The following ZDHHC17 variants were observed in gnomAD, a reference collection of about 807,000 sequenced individuals.
ZDHHC17 encodes zDHHC palmitoyltransferase 17.
A neutral mutation model predicts 90.3 loss-of-function variants in ZDHHC17; 40 were observed. The ratio of observed to expected loss-of-function variants is 0.44; its 90% confidence interval spans 0.34 to 0.58. The LOEUF (loss-of-function observed/expected upper bound fraction) is 0.58. Among genes scored for constraint, ZDHHC17 ranks in the 20% least tolerant of loss-of-function variants. The probability of loss-of-function intolerance (pLI) is 0.01; values close to 1 mark genes in which losing one functional copy is unlikely to be tolerated. For missense variants in ZDHHC17, 614 were observed against 780.8 expected, an observed-to-expected ratio of 0.79 and a Z score of 2.55; for synonymous variants, 235 against 252.4, an observed-to-expected ratio of 0.93 and a Z score of 0.65.
intron 1 of ZDHHC17, among the ~76,000 whole-genome samples, chr12:76,771,258 T>G (rs1350669974): frequency 6.6e-6 from 1 of 152,230 alleles, no homozygotes; most frequent in African/African-American, 2.4e-5. Flanking sequence ...GGCAGCTAAT[T>G]TGAAAGTACA....
rs145831858 is a variant in ZDHHC17, at chr12:76,848,793, G to A, written c.1665+403G>A. On this transcript the variant is annotated intron_variant, in intron 15 of 16. Coordinates refer to ENST00000426126, the MANE Select transcript of ZDHHC17 (RefSeq NM_015336.4). ...GGGAGGTTGTCTGTGCAGGAATAGC[G>A]CCTGTCCATGCACAGTGTCAAGTAA... Among the ~76,000 whole-genome samples, 473 of 152,064 alleles carry A rather than the reference G, an allele frequency of 3.1e-3. 4 individuals are homozygous for A. The highest frequency in any genetic ancestry group is 0.011 in the African/African-American group (446 of 41,462).
intron 6 of ZDHHC17, among the ~76,000 whole-genome samples, 171 bp from the exon 7 acceptor site, chr12:76,815,686 A>C (rs1271408026): frequency 6.6e-6 from 1 of 151,944 alleles, no homozygotes; most frequent in African/African-American, 2.4e-5. Context: ...CATACTTAAT[A>C]CTTCATATTA....
chr12:76,829,550 A>G (rs1220977252), intron 10 of ZDHHC17, among the ~76,000 whole-genome samples: 1 of 148,538 alleles, frequency 6.7e-6, no homozygotes, highest in African/African-American at 2.5e-5. Flanking sequence ...AATGAGTCTT[A>G]GTCTCTAATC....
chr12:76,841,282 G>A (rs762791293), intron 10 of ZDHHC17, among the ~76,000 whole-genome samples: 34 of 152,108 alleles, frequency 2.2e-4, no homozygotes, highest in Non-Finnish European at 3.4e-4. Flanking sequence ...ATGTCAAAAA[G>A]TCTTATGAAA....
chr12:76,774,864 G>A (rs759460252), intron 1 of ZDHHC17, among the ~76,000 whole-genome samples: 2 of 152,172 alleles, frequency 1.3e-5, no homozygotes, highest in African/African-American at 2.4e-5. Context: ...TTGCATTAGC[G>A]AAATTGCAAT....
At chr12:76,841,495 C>T (rs998765401) in intron 10 of ZDHHC17, among the ~76,000 whole-genome samples, 2 of 151,990 alleles carry the variant, frequency 1.3e-5, no homozygotes, top group Non-Finnish European at 2.9e-5. Flanking sequence ...AAAATGTGAA[C>T]ATATAAACTA....
At chr12:76,799,859 G>T (rs1160261235) in intron 2 of ZDHHC17, among the ~76,000 whole-genome samples, 2 of 152,064 alleles carry the variant, frequency 1.3e-5, no homozygotes, top group African/African-American at 4.8e-5. Flanking sequence ...TTTGGATTTT[G>T]GATTTTTTTG....
At chr12:76,791,113 C>A (rs1952754596) in intron 1 of ZDHHC17, among the ~76,000 whole-genome samples, 1 of 152,074 alleles carries the variant, frequency 6.6e-6, no homozygotes, top group Non-Finnish European at 1.5e-5. Context: ...AAAATAAAAG[C>A]CGAGAAAACA....
At chr12:76,766,010 G>A (rs767332110) in intron 1 of ZDHHC17, among the ~76,000 whole-genome samples, 4 of 152,050 alleles carry the variant, frequency 2.6e-5, no homozygotes, top group Non-Finnish European at 5.9e-5. Context: ...CCTATCTTAC[G>A]TATTTTAGCA....
intron 13 of ZDHHC17, chr12:76,846,161 T>G (rs1953492866): frequency 8.9e-6 from 2 of 224,404 alleles, no homozygotes; most frequent in Non-Finnish European, 1.7e-5. Flanking sequence ...TGTTCAAGAA[T>G]GGTATAGTCT....
At chr12:76,826,494 G>A (rs1953231567) in intron 8 of ZDHHC17, among the ~76,000 whole-genome samples, 1 of 152,110 alleles carries the variant, frequency 6.6e-6, no homozygotes, top group Non-Finnish European at 1.5e-5. Context: ...CTCCAGGCAA[G>A]CATCTTCAGG....
chr12:76,806,060 CTT>C (rs1213401460), intron 3 of ZDHHC17, among the ~76,000 whole-genome samples: 1 of 152,120 alleles, frequency 6.6e-6, no homozygotes, highest in African/African-American at 2.4e-5. Context: ...GTTTAGTAGT[CTT>C]TTGACACTTT....
intron 14 of ZDHHC17, among the ~76,000 whole-genome samples, chr12:76,847,661 C>T (rs942477174): frequency 2.6e-5 from 4 of 152,286 alleles, no homozygotes; most frequent in African/African-American, 9.6e-5. Flanking sequence ...TGAGACCAGC[C>T]TGGGCAACGT....
chr12:76,809,675 A>G (rs1427106365), intron 4 of ZDHHC17, 38 bp from the exon 5 acceptor site: 16 of 1,362,120 alleles, frequency 1.2e-5, no homozygotes, highest in Non-Finnish European at 1.5e-5. Context: ...GTTTGAAATA[A>G]CTTTATATAT....
chr12:76,837,417 C>A (rs757424950), intron 10 of ZDHHC17, among the ~76,000 whole-genome samples: 1 of 152,130 alleles, frequency 6.6e-6, no homozygotes, highest in Non-Finnish European at 1.5e-5. Context: ...ACCCTTTGAG[C>A]CTAGGAGTTC....
intron 2 of ZDHHC17, among the ~76,000 whole-genome samples, chr12:76,804,805 A>G (rs1022621618): frequency 6.6e-6 from 1 of 152,106 alleles, no homozygotes; most frequent in East Asian, 1.9e-4. Flanking sequence ...CAGACACCTG[A>G]TATTACAAGA....
At chr12:76,777,343 C>T (rs1952570371) in intron 1 of ZDHHC17, among the ~76,000 whole-genome samples, 1 of 152,126 alleles carries the variant, frequency 6.6e-6, no homozygotes, top group South Asian at 2.1e-4. Context: ...GGAGAGTCAT[C>T]AGGTTGTTGT....
intron 2 of ZDHHC17, among the ~76,000 whole-genome samples, chr12:76,799,269 A>G (rs912830528): frequency 1.3e-5 from 2 of 152,238 alleles, no homozygotes; most frequent in Non-Finnish European, 2.9e-5. Flanking sequence ...AAGAAAGCAT[A>G]AAGTGGTATC....
chr12:76,794,538 A>G (rs1375692024), intron 1 of ZDHHC17, among the ~76,000 whole-genome samples: 2 of 152,202 alleles, frequency 1.3e-5, no homozygotes, highest in African/African-American at 2.4e-5. Context: ...TAGTGAGTAT[A>G]ACTCTGCCAC....
Sources: gnomAD v4.1 joint callset for allele counts (sites outside exome capture counted in the v4.1 genomes callset) on GRCh38, gnomAD v4.1.1 for gene constraint, MANE v1.5 for transcripts, NCBI Gene and HGNC (gene_info 2026-07-23, HGNC 2026-07-21) for gene names.